The following KCND3 variants were observed in gnomAD, a reference collection of about 807,000 sequenced individuals.
KCND3 encodes the protein A-type voltage-gated potassium channel KCND3.
A neutral mutation model predicts 51.1 loss-of-function variants in KCND3; 9 were observed. The observed-to-expected ratio is 0.18, with a 90% confidence interval of 0.11 to 0.31. KCND3 has a LOEUF of 0.31. KCND3 is among the 10% of genes least tolerant of loss of function. KCND3 has a pLI of 1.00. For missense variants in KCND3, 526 were observed against 903.8 expected (o/e 0.58, Z 5.36); for synonymous variants, 349 against 368.0 (o/e 0.95, Z 0.59).
At chr1:111,837,756 G>A (rs889825645) in intron 2 of KCND3, among the ~76,000 whole-genome samples, 1 of 152,116 alleles carries the variant, frequency 6.6e-6, no homozygotes, top group Non-Finnish European at 1.5e-5. Context: ...CATAAGCTGT[G>A]TCTAATTTAG....
intron 2 of KCND3, among the ~76,000 whole-genome samples, chr1:111,869,910 C>CAT: frequency 6.6e-6 from 1 of 152,030 alleles, no homozygotes; most frequent in South Asian, 2.1e-4. Context: ...AATGAACACA[C>CAT]ACACACACAC....
intron 3 of KCND3, among the ~76,000 whole-genome samples, chr1:111,783,548 T>C (rs376955086): frequency 1.5e-4 from 23 of 152,220 alleles, no homozygotes; most frequent in East Asian, 1.3e-3. Context: ...TTTCTTCCTG[T>C]CTGGCTGATG....
intron 3 of KCND3, among the ~76,000 whole-genome samples, chr1:111,782,818 A>G (rs1349072670): frequency 6.6e-6 from 1 of 152,160 alleles, no homozygotes; most frequent in East Asian, 1.9e-4. Context: ...GTCATATCAA[A>G]TGTACTAGAT....
intron 2 of KCND3, among the ~76,000 whole-genome samples, chr1:111,815,089 G>A (rs1448188534): frequency 6.6e-6 from 1 of 152,204 alleles, no homozygotes; most frequent in Non-Finnish European, 1.5e-5. Flanking sequence ...GGAGGCCGAT[G>A]AGGCCCAGGG....
intron 2 of KCND3, among the ~76,000 whole-genome samples, chr1:111,872,602 G>GT (rs61188403): frequency 0.034 from 5,132 of 152,014 alleles, 302 homozygotes; most frequent in African/African-American, 0.12. Context: ...GAGAAAGAGT[G>GT]TTTTTTTATG....
chr1:111,917,843 G>T (rs1452396032), intron 2 of KCND3, among the ~76,000 whole-genome samples: 1 of 152,156 alleles, frequency 6.6e-6, no homozygotes, highest in African/African-American at 2.4e-5. Flanking sequence ...CACAGGACAG[G>T]TCTCAAAACA....
At chr1:111,846,764 C>T (rs1667570295) in intron 2 of KCND3, among the ~76,000 whole-genome samples, 2 of 152,200 alleles carry the variant, frequency 1.3e-5, no homozygotes, top group Non-Finnish European at 2.9e-5. Flanking sequence ...ACCTCATGTA[C>T]TGTTTGTCAC....
chr1:111,787,731 T>C lies in KCND3; in HGVS notation c.1107-625A>G, dbSNP rs183091499. Reference sequence around the variant, plus strand: ...CAAAAGAGTAACAGAATCTCATTTATGATGATAACAACAAATAACAAACTC... The same window carrying C: ...CAAAAGAGTAACAGAATCTCATTTACGATGATAACAACAAATAACAAACTC... On this transcript the variant is annotated intron_variant, in intron 2 of 7. Coordinates refer to ENST00000302127, the MANE Select transcript of KCND3 (RefSeq NM_001378969.1). Among the ~76,000 whole-genome samples the C allele has an allele frequency of 1.4e-3, 218 of 152,344 alleles. 3 individuals are homozygous for C. The highest frequency in any genetic ancestry group is 1.8e-3 in the Non-Finnish European group (124 of 68,036).
intron 2 of KCND3, among the ~76,000 whole-genome samples, chr1:111,837,238 T>A (rs1209052449): frequency 6.6e-6 from 1 of 152,188 alleles, no homozygotes; most frequent in Non-Finnish European, 1.5e-5. Context: ...TGCCCTCTGA[T>A]GTAACAGTTC....
chr1:111,837,587 C>T (rs1187638494), intron 2 of KCND3, among the ~76,000 whole-genome samples: 2 of 152,140 alleles, frequency 1.3e-5, no homozygotes, highest in African/African-American at 4.8e-5. Flanking sequence ...AGTTGAGACT[C>T]CCACGTGGTC....
intron 2 of KCND3, among the ~76,000 whole-genome samples, chr1:111,880,623 C>A (rs1187381830): frequency 6.6e-6 from 1 of 152,070 alleles, no homozygotes; most frequent in Non-Finnish European, 1.5e-5. Flanking sequence ...AGCACAATGT[C>A]TTAAGTAATA....
intron 2 of KCND3, among the ~76,000 whole-genome samples, chr1:111,818,075 CACAG>C (rs1277292385): frequency 1.4e-5 from 2 of 138,752 alleles, no homozygotes; most frequent in East Asian, 2.1e-4. Context: ...CACACACACA[CACAG>C]AATTATGAGG....
At chr1:111,813,969 G>T (rs540075209) in intron 2 of KCND3, among the ~76,000 whole-genome samples, 1 of 152,216 alleles carries the variant, frequency 6.6e-6, no homozygotes, top group African/African-American at 2.4e-5. Flanking sequence ...CCCCACCAAC[G>T]TGCTGGCAGT....
chr1:111,978,636 G>A (rs574268908), intron 2 of KCND3, among the ~76,000 whole-genome samples: 5 of 152,302 alleles, frequency 3.3e-5, no homozygotes, highest in African/African-American at 1.2e-4. Context: ...GGGCAGCCCA[G>A]GGAATAGATC....
At chr1:111,810,759 C>A (rs192502481) in intron 2 of KCND3, among the ~76,000 whole-genome samples, 2 of 152,310 alleles carry the variant, frequency 1.3e-5, no homozygotes, top group African/African-American at 4.8e-5. Flanking sequence ...AGGAACACTC[C>A]ACTAAGTAGC....
intron 2 of KCND3, among the ~76,000 whole-genome samples, chr1:111,834,441 TC>T (rs1666984234): frequency 6.6e-6 from 1 of 152,204 alleles, no homozygotes; most frequent in Non-Finnish European, 1.5e-5. Context: ...TTGTCTCAGT[TC>T]CTTCTGGCTA....
chr1:111,868,671 C>A (rs1368949790), intron 2 of KCND3, among the ~76,000 whole-genome samples: 1 of 152,182 alleles, frequency 6.6e-6, no homozygotes, highest in Non-Finnish European at 1.5e-5. Context: ...TTTATCTAAA[C>A]TCCATAATAA....
In KCND3 at chr1:111,816,131, G is replaced by A. The variant is rs369468398; in HGVS notation, c.1107-29025C>T. On this transcript the variant is annotated intron_variant, in intron 2 of 7. Coordinates refer to ENST00000302127, the MANE Select transcript of KCND3 (RefSeq NM_001378969.1). ...ACAGATGAAGAAACAAAGGCATAGG[G>A]CATTTCTGTGACTTAGCCCAGGCCC... 9.8e-5 allele frequency among the ~76,000 whole-genome samples: 15 copies of A among 152,366 alleles called. No individual in the cohort carries two copies. In the South Asian group the frequency reaches 2.9e-3, roughly 29 times the overall value.
At chr1:111,936,390 G>A (rs1317504116) in intron 2 of KCND3, among the ~76,000 whole-genome samples, 1 of 152,218 alleles carries the variant, frequency 6.6e-6, no homozygotes, top group Non-Finnish European at 1.5e-5. Flanking sequence ...TCACAGTGCA[G>A]AAACAGAGGA....
Sources: allele counts gnomAD v4.1 joint callset (sites outside exome capture counted in the v4.1 genomes callset), GRCh38; gene constraint gnomAD v4.1.1; transcripts MANE v1.5; gene names NCBI Gene and HGNC (gene_info 2026-07-23, HGNC 2026-07-21).